The following KPNA3 variants were observed in gnomAD, a reference collection of about 807,000 sequenced individuals.
KPNA3 encodes importin subunit alpha-4.
In KPNA3, 13 loss-of-function variants were observed where a neutral mutation model predicts 73.8. That is an observed-to-expected ratio of 0.18 (90% CI 0.11 to 0.28). The LOEUF is 0.28. KPNA3 is among the 10% of genes least tolerant of loss of function. KPNA3 has a pLI of 1.00. For synonymous variants in KPNA3, 186 were observed against 206.9 expected (o/e 0.90, Z 0.87); for missense variants, 360 against 618.1 (o/e 0.58, Z 4.43).
chr13:49,778,836 A>G (rs1954918565), intron 1 of KPNA3, among the ~76,000 whole-genome samples: 1 of 152,068 alleles, frequency 6.6e-6, no homozygotes, highest in Non-Finnish European at 1.5e-5. Flanking sequence ...TTGAACTCCT[A>G]GTCTCAAGCA....
intron 1 of KPNA3, among the ~76,000 whole-genome samples, chr13:49,765,161 A>G (rs951916700): frequency 2.0e-5 from 3 of 152,210 alleles, no homozygotes; most frequent in African/African-American, 7.2e-5. Flanking sequence ...TTAAGTATTA[A>G]TAACTCTGGA....
At chr13:49,734,324 G>C (rs547003969) in intron 2 of KPNA3, among the ~76,000 whole-genome samples, 1 of 152,112 alleles carries the variant, frequency 6.6e-6, no homozygotes, top group African/African-American at 2.4e-5. Flanking sequence ...TGAGGTTTTT[G>C]TAACTGTCTT....
intron 10 of KPNA3, among the ~76,000 whole-genome samples, 196 bp from the exon 11 acceptor site, chr13:49,711,218 T>C (rs559388038): frequency 2.6e-4 from 40 of 152,352 alleles, no homozygotes; most frequent in African/African-American, 9.1e-4. Flanking sequence ...CTCAGATCAT[T>C]CTTCACAGAA....
At chr13:49,760,109 CAT>C (rs1477863263) in intron 1 of KPNA3, among the ~76,000 whole-genome samples, 1 of 152,162 alleles carries the variant, frequency 6.6e-6, no homozygotes, top group South Asian at 2.1e-4. Context: ...GGCCAATACA[CAT>C]GTCAAGTGAC....
chr13:49,704,946 G>T (rs186714903), intron 15 of KPNA3, among the ~76,000 whole-genome samples: 63 of 152,268 alleles, frequency 4.1e-4, no homozygotes, highest in Admixed American at 3.9e-3. Context: ...GTGTTTCATT[G>T]TTAAGAAGTT....
Position 49,702,406 on chromosome 13 carries a change from G to C in KPNA3, c.1447C>G (p.Gln483Glu), listed in dbSNP as rs1289298016. 6.6e-7 allele frequency: 1 copy of C among 1,518,468 alleles called. No individual in the cohort carries two copies. The highest frequency in any genetic ancestry group is 2.3e-5 in the East Asian group (1 of 43,920). The allele number at this position is 1,518,468 out of a possible 1,614,324, so 94.1% of individuals were successfully genotyped here. ...CTTACATCATCACCAGAGAAATACT[G>C]ATCTATGATTTCAAATGCTAATTTA... ...IYKLAFEIID[Q>E]YFSGDDIDED... Residue 483 changes from glutamine (Q) to glutamate (E), a missense_variant, in exon 16 of 17, where the codon CAG (glutamine) becomes GAG (glutamate). Physicochemically the swap from Gln to Glu is conservative, Grantham distance 29. Transcript: ENST00000261667.
chr13:49,710,467 T>C (rs1003084201), intron 11 of KPNA3, among the ~76,000 whole-genome samples: 1 of 152,264 alleles, frequency 6.6e-6, no homozygotes, highest in South Asian at 2.1e-4. Flanking sequence ...TCTAGATAGA[T>C]AAGGAGAGAC....
At chr13:49,712,314 CA>C (rs1475661274) in intron 10 of KPNA3, among the ~76,000 whole-genome samples, 1 of 152,002 alleles carries the variant, frequency 6.6e-6, no homozygotes, top group Non-Finnish European at 1.5e-5. Context: ...AATTATCTGA[CA>C]AGGACTTGAT....
chr13:49,707,058 C>G (rs146234462), intron 12 of KPNA3, among the ~76,000 whole-genome samples: 18 of 152,248 alleles, frequency 1.2e-4, no homozygotes, highest in Non-Finnish European at 2.2e-4. Context: ...CACTATACAA[C>G]TGAATTTCTA....
chr13:49,718,046 GA>G (rs1167803056), intron 10 of KPNA3, among the ~76,000 whole-genome samples: 1 of 151,998 alleles, frequency 6.6e-6, no homozygotes, highest in Non-Finnish European at 1.5e-5. Flanking sequence ...ATCATGGTAT[GA>G]AAAAGCACAG....
chr13:49,790,658 T>C (rs983415558), intron 1 of KPNA3, among the ~76,000 whole-genome samples: 5 of 152,370 alleles, frequency 3.3e-5, no homozygotes, highest in African/African-American at 1.2e-4. Flanking sequence ...CCAGGCTGAA[T>C]GGCTTAGCAA....
chr13:49,730,128 A>T (rs965062568), intron 6 of KPNA3, among the ~76,000 whole-genome samples: 3 of 152,208 alleles, frequency 2.0e-5, no homozygotes, highest in Non-Finnish European at 4.4e-5. Flanking sequence ...ATATTTTAGC[A>T]TATTTTTCTG....
At chr13:49,704,441 AT>A (rs1227720460) in intron 15 of KPNA3, among the ~76,000 whole-genome samples, 61 of 6,414 alleles carry the variant, frequency 9.5e-3, no homozygotes, top group African/African-American at 0.015. Flanking sequence ...TAAAAAATAA[AT>A]AAATAAATAA....
Position 49,701,876 on chromosome 13 carries a change from A to G in KPNA3, c.1490T>C (p.Ile497Thr). Reference sequence around the variant, plus strand: ...GGTACCTCCTTGTGTTGCTTCAGGAATGAGGCAGGGATCTTCATCAATCTG... The same window carrying G: ...GGTACCTCCTTGTGTTGCTTCAGGAGTGAGGCAGGGATCTTCATCAATCTG... ...GDDIDEDPCL[I>T]PEATQGGTYN... is the part of the protein sequence containing the mutation. Residue 497 changes from isoleucine to threonine, a missense_variant, in exon 17 of 17, where the codon ATT becomes ACT. By Grantham distance (89) the Ile-to-Thr change is moderately conservative. Around this residue, in one of 3 missense-constraint regions of KPNA3, gnomAD observed 38 missense variants for 39.0 expected, o/e 0.98. Transcript: ENST00000261667. The G allele has an allele frequency of 6.2e-7, 1 of 1,611,646 alleles. No individual in the cohort carries two copies. Among genetic ancestry groups the G allele is most frequent in the South Asian group, 1.1e-5 (1 of 91,034 alleles).
intron 8 of KPNA3, 32 bp downstream of exon 8, chr13:49,722,445 A>T (rs767417343): frequency 7.0e-7 from 1 of 1,437,310 alleles, no homozygotes. Context: ...GTTAATTTAG[A>T]TTCTTAAGAG....
chr13:49,788,951 G>A (rs1252984813), intron 1 of KPNA3, among the ~76,000 whole-genome samples: 1 of 152,024 alleles, frequency 6.6e-6, no homozygotes, highest in Non-Finnish European at 1.5e-5. Flanking sequence ...TTTGAAGGAG[G>A]AGGAAGAGGG....
rs78632287 is a variant in KPNA3, at chr13:49,789,677, C to T, written c.69+2761G>A. 1.6e-3 allele frequency among the ~76,000 whole-genome samples: 237 copies of T among 152,348 alleles called. 1 individual carries two copies. Among genetic ancestry groups the T allele is most frequent in the African/African-American group, 5.5e-3 (228 of 41,570 alleles). ...ACTGTTTCTAATGGACAAGACTAAG[C>T]ATGGTTATCTACTCTTAGATATGCC... On this transcript the variant is annotated intron_variant, in intron 1 of 16. Transcript: ENST00000261667.
chr13:49,788,205 T>C (rs1054074884), intron 1 of KPNA3, among the ~76,000 whole-genome samples: 5 of 152,230 alleles, frequency 3.3e-5, no homozygotes, highest in African/African-American at 1.2e-4. Context: ...GTTAAGGTTT[T>C]TAAAATAATT....
intron 2 of KPNA3, among the ~76,000 whole-genome samples, chr13:49,734,744 A>G (rs1954503541): frequency 6.6e-6 from 1 of 152,206 alleles, no homozygotes. Context: ...GTTTCCAAAC[A>G]CATATGTGGT....
Sources: gnomAD v4.1 joint callset for allele counts (sites outside exome capture counted in the v4.1 genomes callset) on GRCh38, gnomAD v4.1.1 for gene constraint, gnomAD v4.1.1 regional missense constraint, MANE v1.5 for transcripts, NCBI Gene and HGNC (gene_info 2026-07-23, HGNC 2026-07-21) for gene names.